SLC15A5: variants seen among roughly 807,000 people sequenced by gnomAD.
SLC15A5 encodes the protein Peptide/histidine transporter ENSP00000340402.
Under a neutral mutation model 56.1 loss-of-function variants are expected in SLC15A5, and 58 were observed. The observed-to-expected ratio is 1.03, with a 90% CI of 0.84 to 1.29. The LOEUF (loss-of-function observed/expected upper bound fraction) is 1.29, where lower values mean the gene tolerates loss of function less well. SLC15A5 is among the 50% of genes most tolerant of loss of function. The pLI is 0.00. For missense variants in SLC15A5, 681 were observed against 672.1 expected (o/e 1.01, Z -0.15); for synonymous variants, 264 against 250.5 (o/e 1.05, Z -0.51).
At chr12:16,229,238 C>T (rs1026405227) in intron 5 of SLC15A5, among the ~76,000 whole-genome samples, 2 of 152,206 alleles carry the variant, frequency 1.3e-5, no homozygotes, top group Admixed American at 1.3e-4. Flanking sequence ...TTAACATGGC[C>T]TGTGTGATCT....
In SLC15A5 at chr12:16,244,412, G is replaced by A. The variant is rs550045153; in HGVS notation, c.975+168C>T. Among the ~76,000 whole-genome samples, 11 of 152,272 alleles carry A rather than the reference G, an allele frequency of 7.2e-5. 1 individual carries two copies. The South Asian group carries it at 1.9e-3, about 26-fold the overall frequency. On this transcript the variant is annotated intron_variant, in intron 4 of 8. Transcript: ENST00000344941. The stretch of plus-strand genomic sequence containing the variant: ...CTCAGGTATACCTCTGCCTGACCCC[G>A]CTTAGCTCTGGAAATCAGAGCCTGT...
At chr12:16,238,439 T>C (rs1238895460) in intron 5 of SLC15A5, among the ~76,000 whole-genome samples, 2 of 151,528 alleles carry the variant, frequency 1.3e-5, no homozygotes, top group Non-Finnish European at 2.9e-5. Flanking sequence ...CATCCTGGCT[T>C]ACACAGTGAA....
At chr12:16,266,709 T>G (rs940518264) in intron 2 of SLC15A5, among the ~76,000 whole-genome samples, 2 of 152,212 alleles carry the variant, frequency 1.3e-5, no homozygotes, top group Non-Finnish European at 2.9e-5. Flanking sequence ...TTAAGACTCC[T>G]TTCATCTCAT....
At chr12:16,191,777 A>G (rs965549301) in intron 8 of SLC15A5, among the ~76,000 whole-genome samples, 1 of 152,100 alleles carries the variant, frequency 6.6e-6, no homozygotes, top group African/African-American at 2.4e-5. Flanking sequence ...TAGGTCCCCA[A>G]GGCAGCATGT....
At chr12:16,236,297 A>G (rs1192983694) in intron 5 of SLC15A5, among the ~76,000 whole-genome samples, 2 of 152,244 alleles carry the variant, frequency 1.3e-5, no homozygotes, top group African/African-American at 4.8e-5. Flanking sequence ...CAATAATATC[A>G]TTAGTTCTGG....
At chr12:16,246,461 C>A (rs1864461971) in intron 3 of SLC15A5, among the ~76,000 whole-genome samples, 1 of 152,180 alleles carries the variant, frequency 6.6e-6, no homozygotes, top group Non-Finnish European at 1.5e-5. Flanking sequence ...CAAGCCTGGG[C>A]TGGGTGGCTT....
chr12:16,276,382 C>A, intron 1 of SLC15A5, among the ~76,000 whole-genome samples: 1 of 151,954 alleles, frequency 6.6e-6, no homozygotes. Context: ...TGCTATATTC[C>A]CAAGTTGCTC....
chr12:16,226,631 C>CT (rs1268975911), intron 5 of SLC15A5, among the ~76,000 whole-genome samples: 1 of 152,120 alleles, frequency 6.6e-6, no homozygotes, highest in Non-Finnish European at 1.5e-5. Context: ...AGGACTAAAA[C>CT]TTTCGTTTAG....
At chr12:16,216,695 T>C (rs979385553) in intron 7 of SLC15A5, among the ~76,000 whole-genome samples, 198 bp downstream of exon 7, 1 of 152,062 alleles carries the variant, frequency 6.6e-6, no homozygotes, top group African/African-American at 2.4e-5. Context: ...AATTACCTCC[T>C]CCTATCAAAA....
chr12:16,256,683 C>A (rs1864576407), intron 3 of SLC15A5, among the ~76,000 whole-genome samples: 1 of 151,946 alleles, frequency 6.6e-6, no homozygotes, highest in Non-Finnish European at 1.5e-5. Context: ...CACGGTGAAA[C>A]CCCGTTTCTA....
In SLC15A5 at chr12:16,191,413, G is replaced by T. The variant is rs75823837; in HGVS notation, c.1593-1598C>A. Among the ~76,000 whole-genome samples the T allele has an allele frequency of 7.3e-3, 1,103 of 152,066 alleles. 3 individuals are homozygous for T. The highest frequency in any genetic ancestry group is 0.011 in the Non-Finnish European group (757 of 67,946). On this transcript the variant is annotated intron_variant, in intron 8 of 8. Coordinates refer to ENST00000344941, the MANE Select transcript of SLC15A5 (RefSeq NM_001170798.1). Reference sequence around the variant, plus strand: ...AATACACTGTCCTCAAGATCTTGAGGACAAGAATAAGTTGGGACTGCCTTG... The same window carrying T: ...AATACACTGTCCTCAAGATCTTGAGTACAAGAATAAGTTGGGACTGCCTTG...
At chr12:16,218,759 A>G (rs1864156517) in intron 6 of SLC15A5, among the ~76,000 whole-genome samples, 1 of 152,158 alleles carries the variant, frequency 6.6e-6, no homozygotes, top group Non-Finnish European at 1.5e-5. Flanking sequence ...TGTACTGTAA[A>G]CACTAAACAT....
intron 7 of SLC15A5, among the ~76,000 whole-genome samples, chr12:16,207,482 C>A (rs1864032332): frequency 6.6e-6 from 1 of 152,058 alleles, no homozygotes; most frequent in South Asian, 2.1e-4. Flanking sequence ...TGCCTTTCAT[C>A]CTGTGTCTTG....
At chr12:16,208,202 G>T (rs1674829484) in intron 7 of SLC15A5, among the ~76,000 whole-genome samples, 1 of 152,126 alleles carries the variant, frequency 6.6e-6, no homozygotes, top group Admixed American at 6.5e-5. Flanking sequence ...TTTCAGTTCA[G>T]GAAAGAAGTA....
intron 7 of SLC15A5, among the ~76,000 whole-genome samples, chr12:16,210,670 G>A (rs1197760838): frequency 6.6e-6 from 1 of 152,128 alleles, no homozygotes; most frequent in Non-Finnish European, 1.5e-5. Context: ...GACTCAGTAT[G>A]GTTAAGTAAT....
intron 7 of SLC15A5, among the ~76,000 whole-genome samples, chr12:16,209,662 G>A (rs1477672738): frequency 6.6e-6 from 1 of 152,080 alleles, no homozygotes; most frequent in African/African-American, 2.4e-5. Context: ...GGCAGAAACT[G>A]GAATGCTTTC....
At chr12:16,208,591 C>T (rs1349441396) in intron 7 of SLC15A5, among the ~76,000 whole-genome samples, 2 of 152,104 alleles carry the variant, frequency 1.3e-5, no homozygotes, top group Non-Finnish European at 2.9e-5. Context: ...CCTTTGAGCC[C>T]AGGAGTTTAA....
chr12:16,256,908 T>C (rs1020997586), intron 3 of SLC15A5, among the ~76,000 whole-genome samples: 1 of 67,250 alleles, frequency 1.5e-5, no homozygotes, highest in East Asian at 4.3e-4. Flanking sequence ...TAGAGATGCA[T>C]GGGGAATAGA....
intron 4 of SLC15A5, among the ~76,000 whole-genome samples, chr12:16,244,338 T>C (rs1864441091): frequency 6.6e-6 from 1 of 152,216 alleles, no homozygotes; most frequent in Non-Finnish European, 1.5e-5. Flanking sequence ...TGTCTGCACC[T>C]ACTGACAGAC....
Sources: allele counts gnomAD v4.1 joint callset (sites outside exome capture counted in the v4.1 genomes callset), GRCh38; gene constraint gnomAD v4.1.1; transcripts MANE v1.5; gene names NCBI Gene and HGNC (gene_info 2026-07-23, HGNC 2026-07-21).